Variants in CACNB2 observed in about 807,000 individuals in gnomAD.
CACNB2 encodes voltage-dependent L-type calcium channel subunit beta-2.
In CACNB2, 42 loss-of-function variants were observed where a neutral mutation model predicts 73.3. The observed-to-expected ratio is 0.57, with a 90% CI of 0.45 to 0.74. The LOEUF is 0.74. Ranked by LOEUF, CACNB2 falls within the 30% of genes least tolerant of loss-of-function variation. The pLI, the probability that CACNB2 is intolerant of heterozygous loss-of-function variation, is 0.00. For missense variants in CACNB2, 940 were observed against 853.0 expected (o/e 1.10, Z -1.27); for synonymous variants, 348 against 310.3 (o/e 1.12, Z -1.28).
intron 3 of CACNB2, among the ~76,000 whole-genome samples, chr10:18,480,748 G>A (rs1201965095): frequency 1.3e-5 from 2 of 152,106 alleles, no homozygotes; most frequent in Non-Finnish European, 2.9e-5. Context: ...GAAAATAGAC[G>A]AATTTATCCC....
intron 2 of CACNB2, among the ~76,000 whole-genome samples, chr10:18,370,267 A>C (rs1360251013): frequency 6.6e-6 from 1 of 151,976 alleles, no homozygotes; most frequent in African/African-American, 2.4e-5. Context: ...GGAGCTTGTT[A>C]GGAATGCAGT....
chr10:18,238,130 C>T (rs112927130), intron 2 of CACNB2, among the ~76,000 whole-genome samples: 6 of 152,142 alleles, frequency 3.9e-5, no homozygotes, highest in East Asian at 1.9e-4. Context: ...ACATCTCTCC[C>T]GCTTGCATTT....
chr10:18,213,211 G>A (rs11013030), intron 2 of CACNB2, among the ~76,000 whole-genome samples: 8,167 of 152,180 alleles, frequency 0.054, 619 homozygotes, highest in African/African-American at 0.17. Flanking sequence ...AGGGTCCTGC[G>A]CCTTGGTAGA....
At chr10:18,362,303 A>G (rs1360903452) in intron 2 of CACNB2, among the ~76,000 whole-genome samples, 2 of 152,218 alleles carry the variant, frequency 1.3e-5, no homozygotes, top group African/African-American at 4.8e-5. Flanking sequence ...GTCATGATGA[A>G]TTTTGTTTCA....
chr10:18,346,962 T>G (rs753023471), intron 2 of CACNB2, among the ~76,000 whole-genome samples: 1 of 152,126 alleles, frequency 6.6e-6, no homozygotes, highest in South Asian at 2.1e-4. Flanking sequence ...TCTAAGATCC[T>G]TAATTGTGCT....
intron 2 of CACNB2, among the ~76,000 whole-genome samples, chr10:18,350,580 C>T (rs141097798): frequency 1.1e-3 from 161 of 152,280 alleles, no homozygotes; most frequent in African/African-American, 3.8e-3. Flanking sequence ...AATCTTCACC[C>T]AGGGGTACCT....
At chr10:18,492,674 A>G (rs1321591244) in intron 3 of CACNB2, among the ~76,000 whole-genome samples, 3 of 151,842 alleles carry the variant, frequency 2.0e-5, no homozygotes, top group African/African-American at 7.2e-5. Context: ...GAAAATGAGT[A>G]TGGGAAAACC....
chr10:18,315,842 C>T (rs1253081000), intron 2 of CACNB2, among the ~76,000 whole-genome samples: 1 of 152,206 alleles, frequency 6.6e-6, no homozygotes, highest in Admixed American at 6.5e-5. Context: ...TGGACAACTT[C>T]AAGCTACAAC....
chr10:18,220,610 G>T (rs1426081303), intron 2 of CACNB2, among the ~76,000 whole-genome samples: 1 of 151,928 alleles, frequency 6.6e-6, no homozygotes, highest in African/African-American at 2.4e-5. Flanking sequence ...CCAAACCCCA[G>T]GCAGCAGACT....
intron 2 of CACNB2, among the ~76,000 whole-genome samples, chr10:18,321,229 C>T (rs111531750): frequency 1.2e-3 from 190 of 152,258 alleles, no homozygotes; most frequent in African/African-American, 4.4e-3. Context: ...CTCTGAACAC[C>T]TTCCCTCCAC....
intron 2 of CACNB2, among the ~76,000 whole-genome samples, chr10:18,160,368 C>T (rs936510659): frequency 6.6e-6 from 1 of 152,194 alleles, no homozygotes; most frequent in Non-Finnish European, 1.5e-5. Flanking sequence ...AGAATTCTTT[C>T]TGTAGTTACT....
At chr10:18,249,394 A>G (rs1384293389) in intron 2 of CACNB2, among the ~76,000 whole-genome samples, 1 of 150,390 alleles carries the variant, frequency 6.6e-6, no homozygotes, top group Non-Finnish European at 1.5e-5. Context: ...TTCCAAGAAA[A>G]AAAAATGTCT....
intron 2 of CACNB2, among the ~76,000 whole-genome samples, chr10:18,317,712 T>G (rs2040246091): frequency 6.6e-6 from 1 of 152,246 alleles, no homozygotes; most frequent in African/African-American, 2.4e-5. Context: ...TGCAGGTGTC[T>G]TTTGGTAGAA....
At chr10:18,142,543 C>T (rs1490941559) in intron 1 of CACNB2, among the ~76,000 whole-genome samples, 1 of 152,146 alleles carries the variant, frequency 6.6e-6, no homozygotes, top group Non-Finnish European at 1.5e-5. Flanking sequence ...TCGAGTCCTC[C>T]ATCAAAGGAA....
At chr10:18,487,157 G>T (rs1183400660) in intron 3 of CACNB2, among the ~76,000 whole-genome samples, 1 of 152,126 alleles carries the variant, frequency 6.6e-6, no homozygotes, top group Non-Finnish European at 1.5e-5. Context: ...TGCAGATGGG[G>T]TCTCAACCTG....
At chr10:18,537,816 C>T (rs1424452983) in intron 12 of CACNB2, among the ~76,000 whole-genome samples, 1 of 152,106 alleles carries the variant, frequency 6.6e-6, no homozygotes, top group Non-Finnish European at 1.5e-5. Context: ...ATCTTTATGT[C>T]AAGAACAGGC....
At chr10:18,184,875 T>C (rs2131234645) in intron 2 of CACNB2, among the ~76,000 whole-genome samples, 1 of 152,226 alleles carries the variant, frequency 6.6e-6, no homozygotes, top group Middle Eastern at 3.4e-3. Flanking sequence ...ATGCTCTCTC[T>C]GTTGCCCAGG....
At chr10:18,460,686 T>G (rs1199884577) in intron 3 of CACNB2, among the ~76,000 whole-genome samples, 1 of 151,450 alleles carries the variant, frequency 6.6e-6, no homozygotes, top group Non-Finnish European at 1.5e-5. Flanking sequence ...AGCCCAGGAG[T>G]TCGAGAGCAG....
intron 12 of CACNB2, among the ~76,000 whole-genome samples, chr10:18,536,846 G>C (rs1044556283): frequency 3.9e-5 from 6 of 152,198 alleles, no homozygotes. Flanking sequence ...TCTGATCATA[G>C]GGATCAAGTT....
Sources: allele counts gnomAD v4.1 joint callset (sites outside exome capture counted in the v4.1 genomes callset), GRCh38; gene constraint gnomAD v4.1.1; transcripts MANE v1.5; gene names NCBI Gene and HGNC (gene_info 2026-07-23, HGNC 2026-07-21).